The following CELF4 variants were observed in gnomAD, a reference collection of about 807,000 sequenced individuals.
CELF4 encodes CUGBP Elav-like family member 4, also known as CUG-BP- and ETR-3-like factor 4.
A neutral mutation model predicts 59.9 loss-of-function variants in CELF4; 18 were observed. The ratio of observed to expected loss-of-function variants is 0.30; its 90% CI spans 0.21 to 0.45. The LOEUF is 0.45. Among genes scored for constraint, CELF4 ranks in the 20% least tolerant of loss-of-function variants. CELF4 has a pLI of 1.00. For missense variants in CELF4, 456 were observed against 689.0 expected (o/e 0.66, Z 3.79); for synonymous variants, 261 against 267.1 (o/e 0.98, Z 0.22).
intron 12 of CELF4, among the ~76,000 whole-genome samples, chr18:37,250,659 A>AT (rs1442686562): frequency 6.6e-6 from 1 of 151,998 alleles, no homozygotes; most frequent in Middle Eastern, 3.2e-3. Flanking sequence ...ATTTTAGCTG[A>AT]TTTTTTGTGC....
chr18:37,359,464 C>T (rs2098664297), intron 2 of CELF4, among the ~76,000 whole-genome samples: 2 of 152,160 alleles, frequency 1.3e-5, no homozygotes, highest in South Asian at 4.1e-4. Context: ...TCCACAGCCT[C>T]CCAAATAGCT....
At chr18:37,544,102 G>A (rs1381042885) in intron 1 of CELF4, among the ~76,000 whole-genome samples, 2 of 152,140 alleles carry the variant, frequency 1.3e-5, no homozygotes, top group Non-Finnish European at 2.9e-5. Flanking sequence ...TGAGGTAAGG[G>A]CAAGGGCGGC....
At chr18:37,336,827 C>A (rs1365436188) in intron 2 of CELF4, among the ~76,000 whole-genome samples, 2 of 152,242 alleles carry the variant, frequency 1.3e-5, no homozygotes, top group East Asian at 3.9e-4. Flanking sequence ...GTCTATCGAG[C>A]TCCTGAGGTC....
At chr18:37,284,818 T>C (rs2094570797) in intron 3 of CELF4, among the ~76,000 whole-genome samples, 1 of 152,214 alleles carries the variant, frequency 6.6e-6, no homozygotes, top group South Asian at 2.1e-4. Flanking sequence ...TTATTTCCAC[T>C]GTTCAGATGA....
At position 37,448,971 on chromosome 18, in the gene CELF4, C is replaced by G. The variant is rs748129689; in HGVS notation, c.369+36554G>C. Among the ~76,000 whole-genome samples the G allele has an allele frequency of 4.8e-4, 73 of 152,288 alleles. No homozygotes were observed. The Middle Eastern group carries it at 0.01, about 21-fold the overall frequency. ...CAGCATGGCCCAAGCCTCATGAGCT[C>G]CCCCAATGGGTTTGTCCAAGCAGGA... On this transcript the variant is annotated intron_variant, in intron 2 of 12. Transcript: ENST00000420428.
At position 37,353,233 on chromosome 18, in the gene CELF4, A is replaced by AAAAAAATATATATATAT. The variant is rs71168258; in HGVS notation, c.370-31353_370-31352insATATATATATATTTTTT. ...GAGACTCCGTCTCAAAAAAAAAAAA[A>AAAAAAATATATATATAT]ATATATATATATATATACATAAAAG... On this transcript the variant is annotated intron_variant, in intron 2 of 12. Transcript: ENST00000420428. Among the ~76,000 whole-genome samples, 10 of 106,978 alleles carry AAAAAAATATATATATAT rather than the reference A, an allele frequency of 9.3e-5. No homozygotes were observed. In the East Asian group the frequency reaches 1.7e-3, roughly 18 times the overall value. The allele number at this position is 106,978 out of a possible 152,430, so 70.2% of individuals were successfully genotyped here. A position where few individuals can be genotyped will look rare whatever the true frequency, so the allele number is the denominator to read the frequency against.
intron 2 of CELF4, among the ~76,000 whole-genome samples, chr18:37,327,890 C>T (rs1346650561): frequency 1.3e-5 from 2 of 152,246 alleles, no homozygotes; most frequent in Non-Finnish European, 2.9e-5. Flanking sequence ...TGTCACTCCT[C>T]ATTGCACCCA....
intron 3 of CELF4, among the ~76,000 whole-genome samples, chr18:37,309,476 A>G (rs950591994): frequency 6.6e-6 from 1 of 152,152 alleles, no homozygotes; most frequent in African/African-American, 2.4e-5. Flanking sequence ...GAGCCCTAGC[A>G]GCTGCTGCTA....
intron 3 of CELF4, among the ~76,000 whole-genome samples, chr18:37,295,766 AG>A (rs926576639): frequency 5.1e-4 from 77 of 152,346 alleles, no homozygotes; most frequent in African/African-American, 1.9e-3. Context: ...TCCAACATAC[AG>A]CATCCGAAGG....
intron 3 of CELF4, among the ~76,000 whole-genome samples, chr18:37,295,399 G>T (rs2095582825): frequency 6.6e-6 from 1 of 152,184 alleles, no homozygotes; most frequent in African/African-American, 2.4e-5. Flanking sequence ...GTAGATAAGG[G>T]GTTTGTTTTT....
Position 37,307,230 on chromosome 18 carries a change from G to T in CELF4, c.448+14573C>A, listed in dbSNP as rs73948878. Among the ~76,000 whole-genome samples the T allele has an allele frequency of 5.2e-3, 790 of 152,270 alleles. 5 individuals are homozygous for T. The highest frequency in any genetic ancestry group is 0.018 in the African/African-American group (750 of 41,562). On this transcript the variant is annotated intron_variant, in intron 3 of 12. Transcript: ENST00000420428. ...CCTGTGCCTCTGCTCTGGGCAAATT[G>T]GACCTTCTCATAGCTCAAGGTTCAT...
At chr18:37,507,476 T>C (rs1402711698) in intron 1 of CELF4, among the ~76,000 whole-genome samples, 1 of 152,204 alleles carries the variant, frequency 6.6e-6, no homozygotes, top group Non-Finnish European at 1.5e-5. Flanking sequence ...ACAGTGATTG[T>C]CCTAAGGCCA....
intron 2 of CELF4, among the ~76,000 whole-genome samples, chr18:37,372,849 G>A (rs2098918008): frequency 1.3e-5 from 2 of 151,794 alleles, no homozygotes; most frequent in South Asian, 2.1e-4. Context: ...AAAAAAAAGA[G>A]AAGGATGTTC....
intron 2 of CELF4, among the ~76,000 whole-genome samples, chr18:37,432,434 A>G (rs1714503719): frequency 6.6e-6 from 1 of 152,246 alleles, no homozygotes; most frequent in African/African-American, 2.4e-5. Context: ...AAATAAGAGA[A>G]CAACAGATAG....
intron 2 of CELF4, among the ~76,000 whole-genome samples, chr18:37,417,201 T>A (rs542114754): frequency 5.3e-4 from 80 of 152,288 alleles, no homozygotes; most frequent in African/African-American, 1.8e-3. Context: ...CTGACTGGGC[T>A]CCAAGTGCAG....
intron 2 of CELF4, among the ~76,000 whole-genome samples, chr18:37,364,916 G>A (rs1174776042): frequency 6.6e-6 from 1 of 152,162 alleles, no homozygotes; most frequent in East Asian, 1.9e-4. Flanking sequence ...CAGACAACGG[G>A]TGCTAGAGGA....
intron 7 of CELF4, among the ~76,000 whole-genome samples, chr18:37,271,253 C>CT (rs2091093824): frequency 7.2e-6 from 1 of 139,176 alleles, no homozygotes; most frequent in Admixed American, 7.1e-5. Context: ...TTCCTTCAGT[C>CT]CTTTTTTTTT....
At chr18:37,314,625 G>C (rs532759374) in intron 3 of CELF4, among the ~76,000 whole-genome samples, 6 of 152,286 alleles carry the variant, frequency 3.9e-5, no homozygotes, top group Admixed American at 3.9e-4. Context: ...AAACGTCCCA[G>C]GGGTTCTGCA....
chr18:37,377,676 G>A (rs958404029), intron 2 of CELF4, among the ~76,000 whole-genome samples: 11 of 152,226 alleles, frequency 7.2e-5, no homozygotes, highest in Non-Finnish European at 7.3e-5. Flanking sequence ...AGACGGGTGT[G>A]TTCCTGGGGA....
Sources: allele counts gnomAD v4.1 joint callset (sites outside exome capture counted in the v4.1 genomes callset), GRCh38; gene constraint gnomAD v4.1.1; transcripts MANE v1.5; gene names NCBI Gene and HGNC (gene_info 2026-07-23, HGNC 2026-07-21).